CDK18: variants seen among roughly 807,000 people sequenced by gnomAD.
CDK18 encodes the protein cyclin dependent kinase 18, also known as cyclin-dependent kinase 18.
CDK18 carries 52 observed loss-of-function variants against 62.0 expected under a neutral mutation model. That is an observed-to-expected ratio of 0.84 (90% confidence interval 0.67 to 1.06). The LOEUF (loss-of-function observed/expected upper bound fraction) is 1.06, where lower values mean the gene tolerates loss of function less well. CDK18 is among the 50% of genes least tolerant of loss of function. The probability of loss-of-function intolerance (pLI) is 0.00; values close to 1 mark genes in which losing one functional copy is unlikely to be tolerated. For missense variants in CDK18, 604 were observed against 619.9 expected (o/e 0.97, Z 0.27); for synonymous variants, 237 against 247.0 (o/e 0.96, Z 0.38).
In CDK18 at chr1:205,526,636, C is replaced by A. The variant is rs939562539; in HGVS notation, c.667-139C>A. 2.1e-5 allele frequency: 20 copies of A among 959,170 alleles called. No individual in the cohort carries two copies. In the Admixed American group the frequency reaches 3.5e-4, roughly 17 times the overall value. The allele number at this position is 959,170 out of a possible 1,614,324, so 59.4% of individuals were successfully genotyped here. ...GGAGTGGGCCAAGAGCTCAGGCTTACGGGTGGCTCGAGCCAGGGACCTGTC... is the reference window on the plus strand; with the variant it reads ...GGAGTGGGCCAAGAGCTCAGGCTTAAGGGTGGCTCGAGCCAGGGACCTGTC... On this transcript the variant is annotated intron_variant, in intron 7 of 15. Transcript: ENST00000429964.
rs974504499 is a variant in CDK18 at position 205,528,585 on chromosome 1, C to T, written c.975-414C>T. 1 of 251,276 alleles carries T rather than the reference C, an allele frequency of 4.0e-6. No individual in the cohort carries two copies. The highest frequency in any genetic ancestry group is 7.6e-6 in the Non-Finnish European group (1 of 132,350). The allele number at this position is 251,276 out of a possible 1,614,324, so 15.6% of individuals were successfully genotyped here. On this transcript the variant is annotated intron_variant, in intron 10 of 15. Transcript: ENST00000429964. The surrounding 1 kb of genome is among the most constrained non-coding windows in gnomAD (Gnocchi z 4.2). ...AATCAGCCCAAATTGCAAGCCAAGC[C>T]GCCGGTGGTTATGAATGGCTGCTGT... is the stretch of plus-strand genomic sequence containing the variant.
At chr1:205,514,758 G>T (rs1330810698) in intron 1 of CDK18, among the ~76,000 whole-genome samples, 1 of 152,176 alleles carries the variant, frequency 6.6e-6, no homozygotes, top group African/African-American at 2.4e-5. Context: ...TCCTTACTCT[G>T]TGTAAGGCAT....
At position 205,526,151 on chromosome 1, in the gene CDK18, G is replaced by A. The variant is rs766867772; in HGVS notation, c.543G>A (p.Glu181=). The A allele has an allele frequency of 3.7e-6, 6 of 1,614,028 alleles. No homozygotes were observed. The highest frequency in any genetic ancestry group is 5.1e-6 in the Non-Finnish European group (6 of 1,179,928). ...AAGAGATCCGGCTGGAGCACGAGGA[G>A]GGAGCGCCCTGCACTGCCATCCGAG... ...ALKEIRLEHE[E]GAPCTAIREV... The change falls in exon 6 of 16, where the codon GAG becomes GAA. Residue 181 remains glutamate (E), a synonymous_variant. Coordinates refer to ENST00000429964, the MANE Select transcript of CDK18 (RefSeq NM_212502.3).
In CDK18 at chr1:205,532,068, C is replaced by G. The variant is rs1228759811; in HGVS notation, c.*690C>G. On this transcript the variant is annotated 3_prime_UTR_variant, in exon 16 of 16. Transcript: ENST00000429964. ...TACGCTTTGCTGGCATGCTTGGATGCCCAGCTGTGTCCAGAGGTGGCCTGG... is the reference window on the plus strand; with the variant it reads ...TACGCTTTGCTGGCATGCTTGGATGGCCAGCTGTGTCCAGAGGTGGCCTGG... 1.3e-5 allele frequency: 2 copies of G among 153,064 alleles called. No homozygotes were observed. The highest frequency in any genetic ancestry group is 4.8e-5 in the African/African-American group (2 of 41,466). 9.5% of individuals were successfully genotyped at this position (153,064 alleles called of 1,614,324 possible).
chr1:205,523,262 A>G lies in CDK18; in HGVS notation c.95A>G (p.Glu32Gly). Residue 32 changes from glutamate (E) to glycine (G), a missense_variant, in exon 2 of 16, where the codon GAG becomes GGG. Transcript: ENST00000429964. ...GAAGAATCCTTGGCTGAATTCACGG[A>G]GCAATTCAACCAGCTCCACAACCGG... ...TIEESLAEFT[E>G]QFNQLHNRRN... 1 of 1,614,148 alleles carries G rather than the reference A, an allele frequency of 6.2e-7. No individual in the cohort carries two copies. Among genetic ancestry groups the G allele is most frequent in the Non-Finnish European group, 8.5e-7 (1 of 1,180,026 alleles).
At position 205,526,798 on chromosome 1, in the gene CDK18, G is replaced by A. The variant is rs1300542083; in HGVS notation, c.690G>A (p.Leu230=). ...EYLDSDLKQY[L]DHCGNLMSMH... is the part of the protein sequence containing the mutation. ...AGGACAGTGACCTGAAGCAGTATCT[G>A]GACCACTGTGGGAACCTCATGAGCA... The change falls in exon 8 of 16, where the codon CTG becomes CTA. Residue 230 remains leucine (L), a synonymous_variant. Coordinates refer to ENST00000429964, the MANE Select transcript of CDK18 (RefSeq NM_212502.3). 2.5e-6 allele frequency: 4 copies of A among 1,614,122 alleles called. No individual in the cohort carries two copies. The highest frequency in any genetic ancestry group is 1.7e-6 in the Non-Finnish European group (2 of 1,179,962).
At chr1:205,518,407 G>A (rs1204660862) in intron 1 of CDK18, among the ~76,000 whole-genome samples, 2 of 152,170 alleles carry the variant, frequency 1.3e-5, no homozygotes, top group Non-Finnish European at 2.9e-5. Context: ...AGGGGTGAGA[G>A]GGGTTTTATC....
intron 1 of CDK18, among the ~76,000 whole-genome samples, chr1:205,507,329 A>G (rs753253690): frequency 1.3e-5 from 2 of 152,160 alleles, no homozygotes; most frequent in Non-Finnish European, 2.9e-5. Flanking sequence ...GGATCATAAT[A>G]GAGGGCTGTT....
rs188845808 is a variant in CDK18, at chr1:205,531,436, G to A, written c.*58G>A. Reference sequence around the variant, plus strand: ...GAGATCACATGGAGCACAAATTCGGGTAGGATGGAGCCTGTGTGGCCCTCG... The same window carrying A: ...GAGATCACATGGAGCACAAATTCGGATAGGATGGAGCCTGTGTGGCCCTCG... On this transcript the variant is annotated 3_prime_UTR_variant, in exon 16 of 16. Transcript: ENST00000429964. The A allele has an allele frequency of 2.6e-4, 393 of 1,514,368 alleles. 2 individuals carry two copies. In the African/African-American group the frequency reaches 4.2e-3, roughly 16 times the overall value. The allele number at this position is 1,514,368 out of a possible 1,614,324, so 93.8% of individuals were successfully genotyped here. A position where few individuals can be genotyped will look rare whatever the true frequency, so the allele number is the denominator to read the frequency against.
chr1:205,531,484 A>G lies in CDK18; in HGVS notation c.*106A>G. Reference sequence around the variant, plus strand: ...TCGGAGGACTGAAGAACGAGGGCTGACAGCCAGCCTGGAAGACCGCTTGGC... The same window carrying G: ...TCGGAGGACTGAAGAACGAGGGCTGGCAGCCAGCCTGGAAGACCGCTTGGC... On this transcript the variant is annotated 3_prime_UTR_variant, in exon 16 of 16. Transcript: ENST00000429964. The G allele has an allele frequency of 9.3e-7, 1 of 1,077,238 alleles. No individual in the cohort carries two copies. The highest frequency in any genetic ancestry group is 1.4e-6 in the Non-Finnish European group (1 of 698,612). 66.7% of individuals were successfully genotyped at this position (1,077,238 alleles called of 1,614,324 possible). A position where few individuals can be genotyped will look rare whatever the true frequency, so the allele number is the denominator to read the frequency against.
intron 1 of CDK18, among the ~76,000 whole-genome samples, chr1:205,514,010 G>A (rs78725167): frequency 0.021 from 3,166 of 152,310 alleles, 110 homozygotes; most frequent in African/African-American, 0.072. Flanking sequence ...TCATTTGCTG[G>A]TCATTTGAGG....
intron 5 of CDK18, 27 bp downstream of exon 5, chr1:205,525,222 G>A (rs1349806051): frequency 3.2e-6 from 5 of 1,571,388 alleles, no homozygotes; most frequent in South Asian, 2.3e-5. Context: ...GGTCTTCTCC[G>A]AATAGCCAGG....
At chr1:205,508,024 T>C (rs34725439) in intron 1 of CDK18, among the ~76,000 whole-genome samples, 25,817 of 152,214 alleles carry the variant, frequency 0.17, 2,432 homozygotes, top group Middle Eastern at 0.26. Flanking sequence ...GAGGGCCCTC[T>C]GGCAGCGCCT....
chr1:205,529,155 C>T (rs1034246463), intron 11 of CDK18, 59 bp downstream of exon 11: 88 of 1,470,826 alleles, frequency 6.0e-5, no homozygotes, highest in Admixed American at 2.7e-4. Flanking sequence ...CTCCTCCAGC[C>T]CAGGCGCGGA....
chr1:205,528,784 C>G lies in CDK18; in HGVS notation c.975-215C>G, dbSNP rs1280321502. ...GACTTTCCTCACAGAGTGAAAGTCG[C>G]AGCTTTCCCGAGCCCAGGGAAGCCC... On this transcript the variant is annotated intron_variant, in intron 10 of 15. Transcript: ENST00000429964. The surrounding 1 kb of genome is among the most constrained non-coding windows in gnomAD (Gnocchi z 4.2). 3 of 470,458 alleles carry G rather than the reference C, an allele frequency of 6.4e-6. No homozygotes were observed. Among genetic ancestry groups the G allele is most frequent in the Non-Finnish European group, 1.1e-5 (3 of 265,290 alleles). 29.1% of individuals were successfully genotyped at this position (470,458 alleles called of 1,614,324 possible).
chr1:205,530,098 T>G, intron 13 of CDK18, 161 bp from the exon 14 acceptor site: 1 of 1,445,102 alleles, frequency 6.9e-7, no homozygotes, highest in Non-Finnish European at 9.1e-7. Context: ...TGAGATGGCC[T>G]GAGGTTGGGT....
rs75619225 is a variant in CDK18 at position 205,510,575 on chromosome 1, G to A, written c.-22+5779G>A. ...CCTGGCATGGCTCCTTCCCAAGGAA[G>A]GTGGCCCTTGGGGATGCTGTGACTT... On this transcript the variant is annotated intron_variant, in intron 1 of 15. Transcript: ENST00000429964. Among the ~76,000 whole-genome samples, 755 of 152,326 alleles carry A rather than the reference G, an allele frequency of 5.0e-3. 6 individuals are homozygous for A. The highest frequency in any genetic ancestry group is 0.017 in the African/African-American group (714 of 41,568).
In CDK18 at chr1:205,527,880, C is replaced by T; in HGVS notation, c.816C>T (p.Leu272=). ...LHRDLKPQNL[L]INERGELKLA... ...GGGACCTGAAGCCCCAGAACCTGCT[C>T]ATCAACGAGAGGGGGGAGCTGAAGC... The change falls in exon 9 of 16, where the codon CTC becomes CTT. Residue 272 remains leucine (L), a synonymous_variant. Coordinates refer to ENST00000429964, the MANE Select transcript of CDK18 (RefSeq NM_212502.3). The surrounding 1 kb of genome is among the most constrained non-coding windows in gnomAD (Gnocchi z 4.1). The T allele has an allele frequency of 6.2e-7, 1 of 1,614,130 alleles. No homozygotes were observed. The highest frequency in any genetic ancestry group is 1.1e-5 in the South Asian group (1 of 91,072).
rs201892426 is a variant in CDK18, at chr1:205,523,175, T to C, written c.8T>C (p.Met3Thr). 2 of 1,610,506 alleles carry C rather than the reference T, an allele frequency of 1.2e-6. No individual in the cohort carries two copies. Among genetic ancestry groups the C allele is most frequent in the South Asian group, 1.1e-5 (1 of 90,498 alleles). The change falls in exon 2 of 16, where the codon ATG (methionine) becomes ACG (threonine). Residue 3 changes from methionine to threonine, a missense_variant. By Grantham distance (81) the Met-to-Thr change is moderately conservative. Coordinates refer to ENST00000429964, the MANE Select transcript of CDK18 (RefSeq NM_212502.3). ...CCGGCTGCCCAGTCCCTCATGATCATGAACAAGATGAAGAACTTTAAGCGC... is the reference window on the plus strand; with the variant it reads ...CCGGCTGCCCAGTCCCTCATGATCACGAACAAGATGAAGAACTTTAAGCGC... MI[M>T]NKMKNFKRRF...
Sources: allele counts gnomAD v4.1 joint callset (sites outside exome capture counted in the v4.1 genomes callset), GRCh38; gene constraint gnomAD v4.1.1; non-coding constraint Gnocchi (gnomAD v3.1); transcripts MANE v1.5; gene names NCBI Gene and HGNC (gene_info 2026-07-23, HGNC 2026-07-21).